Variants in GSK3B observed in about 807,000 individuals in gnomAD.
GSK3B encodes the protein glycogen synthase kinase 3 beta.
In GSK3B, 15 loss-of-function variants were observed where a neutral mutation model predicts 56.4. The observed-to-expected ratio is 0.27, with a 90% confidence interval of 0.18 to 0.41. The LOEUF (loss-of-function observed/expected upper bound fraction) is 0.41. Ranked by LOEUF, GSK3B falls within the 10% of genes least tolerant of loss-of-function variation. The pLI, the probability that GSK3B is intolerant of heterozygous loss-of-function variation, is 1.00. For missense variants in GSK3B, 300 were observed against 513.4 expected, an observed-to-expected ratio of 0.58 and a Z score of 4.02; for synonymous variants, 181 against 188.9, an observed-to-expected ratio of 0.96 and a Z score of 0.34.
At chr3:119,874,780 T>C (rs1297480198) in intron 8 of GSK3B, among the ~76,000 whole-genome samples, 1 of 152,136 alleles carries the variant, frequency 6.6e-6, no homozygotes, top group African/African-American at 2.4e-5. Flanking sequence ...CAAACTACTG[T>C]TGGCATTTTG....
chr3:120,091,148 C>T (rs372124396), intron 1 of GSK3B, among the ~76,000 whole-genome samples: 34 of 152,218 alleles, frequency 2.2e-4, no homozygotes, highest in African/African-American at 7.9e-4. Flanking sequence ...GCAGTCATCA[C>T]GCTATTGTTT....
rs201509409 is a variant in GSK3B, at chr3:119,919,000, CTT to C, written c.478-2828_478-2827del. ...TGATTCAAAAAATGCATCCAACTCT[CTT>C]GTGTGATCAGACCCTGTCCTTAAAC... On this transcript the variant is annotated intron_variant, in intron 4 of 10. Transcript: ENST00000264235. Among the ~76,000 whole-genome samples the C allele has an allele frequency of 3.5e-3, 540 of 152,222 alleles. 2 individuals carry two copies. Among genetic ancestry groups the C allele is most frequent in the Admixed American group, 7.6e-3 (116 of 15,300 alleles).
chr3:120,000,886 C>T (rs1281459121), intron 2 of GSK3B, among the ~76,000 whole-genome samples: 9 of 148,300 alleles, frequency 6.1e-5, no homozygotes, highest in Non-Finnish European at 1.2e-4. Context: ...GATGTTTATC[C>T]CTTTCCAAAC....
intron 7 of GSK3B, among the ~76,000 whole-genome samples, chr3:119,891,692 C>T (rs1258417735): frequency 6.6e-6 from 1 of 151,908 alleles, no homozygotes; most frequent in Non-Finnish European, 1.5e-5. Context: ...AAACTGAGTC[C>T]TTTTTTGACT....
chr3:119,850,053 G>A (rs917580227), intron 9 of GSK3B, among the ~76,000 whole-genome samples: 6 of 49,390 alleles, frequency 1.2e-4, no homozygotes, highest in African/African-American at 2.0e-4. Flanking sequence ...ATCTATAGAT[G>A]TATGTATGTA....
chr3:119,845,155 C>A (rs982628537), intron 9 of GSK3B, among the ~76,000 whole-genome samples: 6 of 152,168 alleles, frequency 3.9e-5, no homozygotes, highest in African/African-American at 1.4e-4. Flanking sequence ...ATTGATGGAA[C>A]ATATCTCAAA....
chr3:120,082,409 T>A (rs2058428061), intron 1 of GSK3B, among the ~76,000 whole-genome samples: 1 of 126,302 alleles, frequency 7.9e-6, no homozygotes, highest in Non-Finnish European at 1.7e-5. Context: ...TTTTTTTTTT[T>A]TTTTTGAGAA....
chr3:119,884,150 G>A (rs1445468116), intron 7 of GSK3B, among the ~76,000 whole-genome samples: 1 of 152,070 alleles, frequency 6.6e-6, no homozygotes, highest in African/African-American at 2.4e-5. Flanking sequence ...ACAAGGAGTT[G>A]GGTGAGGTCC....
At chr3:119,899,548 G>A (rs1438839677) in intron 7 of GSK3B, among the ~76,000 whole-genome samples, 2 of 152,110 alleles carry the variant, frequency 1.3e-5, no homozygotes, top group African/African-American at 4.8e-5. Context: ...GAACTCTGAG[G>A]AGCCAGGGAT....
At chr3:119,994,813 C>T (rs574207887) in intron 2 of GSK3B, among the ~76,000 whole-genome samples, 2 of 152,040 alleles carry the variant, frequency 1.3e-5, no homozygotes, top group African/African-American at 2.4e-5. Context: ...AACACATGAC[C>T]CAGGATTTTC....
chr3:119,913,251 T>C (rs2056752345), intron 5 of GSK3B, among the ~76,000 whole-genome samples: 1 of 152,110 alleles, frequency 6.6e-6, no homozygotes. Context: ...GTCTTGCATT[T>C]TGACTTCTGA....
At chr3:119,954,245 AATAGAATAGAATAG>A (rs2057187916) in intron 2 of GSK3B, among the ~76,000 whole-genome samples, 1 of 120,652 alleles carries the variant, frequency 8.3e-6, no homozygotes, top group South Asian at 2.9e-4. Flanking sequence ...AATAGAATAG[AATAGAATAGAATAG>A]AATAGAATAG....
chr3:119,956,829 C>T (rs1406702741), intron 2 of GSK3B, among the ~76,000 whole-genome samples: 2 of 152,200 alleles, frequency 1.3e-5, no homozygotes, highest in South Asian at 2.1e-4. Flanking sequence ...AGATGAGCCA[C>T]AAAAATAATA....
At chr3:119,984,389 A>T (rs1437739066) in intron 2 of GSK3B, among the ~76,000 whole-genome samples, 1 of 112,640 alleles carries the variant, frequency 8.9e-6, no homozygotes, top group Non-Finnish European at 1.7e-5. Flanking sequence ...AGACACAGAA[A>T]AACCTTAAAA....
At chr3:120,001,527 C>T (rs2057676980) in intron 2 of GSK3B, among the ~76,000 whole-genome samples, 1 of 152,158 alleles carries the variant, frequency 6.6e-6, no homozygotes, top group African/African-American at 2.4e-5. Flanking sequence ...CTGCACCACA[C>T]TTCCTGTACA....
At chr3:119,920,119 T>C (rs572943265) in intron 4 of GSK3B, among the ~76,000 whole-genome samples, 9 of 152,346 alleles carry the variant, frequency 5.9e-5, no homozygotes, top group East Asian at 1.9e-4. Flanking sequence ...CTTTGAACTA[T>C]GTATAAATAT....
intron 2 of GSK3B, among the ~76,000 whole-genome samples, chr3:119,959,237 A>G (rs1005498856): frequency 2.0e-5 from 3 of 152,144 alleles, no homozygotes; most frequent in African/African-American, 7.2e-5. Context: ...CACCTCTTCC[A>G]GTCTCAGGGC....
intron 9 of GSK3B, among the ~76,000 whole-genome samples, chr3:119,856,715 C>T (rs567153459): frequency 6.6e-6 from 1 of 152,202 alleles, no homozygotes; most frequent in African/African-American, 2.4e-5. Context: ...TTTTACTCTT[C>T]TAGATTACTT....
intron 3 of GSK3B, among the ~76,000 whole-genome samples, chr3:119,930,501 A>G: frequency 6.6e-6 from 1 of 152,210 alleles, no homozygotes; most frequent in East Asian, 1.9e-4. Context: ...GCCACCTAAG[A>G]TTGACACAGA....
Sources: allele counts gnomAD v4.1 joint callset (sites outside exome capture counted in the v4.1 genomes callset), GRCh38; gene constraint gnomAD v4.1.1; transcripts MANE v1.5; gene names NCBI Gene and HGNC (gene_info 2026-07-23, HGNC 2026-07-21).